The following DNASE1 variants were observed in gnomAD, a reference collection of about 807,000 sequenced individuals.
DNASE1 encodes deoxyribonuclease-1.
A neutral mutation model predicts 33.9 loss-of-function variants in DNASE1; 40 were observed. That is an observed-to-expected ratio of 1.18 (90% CI 0.92 to 1.54). The LOEUF (loss-of-function observed/expected upper bound fraction) is 1.54, where lower values mean the gene tolerates loss of function less well. DNASE1 is among the 40% of genes most tolerant of loss of function. The pLI is 0.00. For synonymous variants in DNASE1, 216 were observed against 160.0 expected, an observed-to-expected ratio of 1.35 and a Z score of -2.64; for missense variants, 518 against 372.6, an observed-to-expected ratio of 1.39 and a Z score of -3.21.
At chr16:3,651,069 C>T (rs537902144), upstream of DNASE1, 1 of 152,248 alleles carries the variant, frequency 6.6e-6, no homozygotes, top group Admixed American at 6.5e-5. Context: ...GCGTCCTTCC[C>T]GCTTTCCCTC....
chr16:3,662,889 T>G, downstream of DNASE1: 1 of 1,613,570 alleles, frequency 6.2e-7, no homozygotes, highest in Non-Finnish European at 8.5e-7. Flanking sequence ...CACCTTCACG[T>G]TGGTGACACG....
At chr16:3,663,635 G>A in exon 10 of DNASE1, 3 of 1,590,282 alleles carry the variant, frequency 1.9e-6, no homozygotes, top group Non-Finnish European at 2.6e-6. Context: ...GATGAGGGCG[G>A]CAGGAGGGCT....
At chr16:3,617,032 A>G (rs879383977) in intron 1 of DNASE1, among the ~76,000 whole-genome samples, 2 of 152,118 alleles carry the variant, frequency 1.3e-5, no homozygotes, top group African/African-American at 2.4e-5. Context: ...AGTGAAAACT[A>G]TAAAACTCTT....
At chr16:3,653,249 A>C (rs45564535), upstream of DNASE1, 8,115 of 152,272 alleles carry the variant, frequency 0.053, 241 homozygotes, top group Admixed American at 0.067. Context: ...AGCATCCCCC[A>C]ACCGCCCGGA....
chr16:3,655,064 C>T lies in DNASE1; in HGVS notation c.-2+20C>T, dbSNP rs866730078. The T allele has an allele frequency of 1.7e-6, 1 of 586,048 alleles. No homozygotes were observed. Among genetic ancestry groups the T allele is most frequent in the Middle Eastern group, 4.5e-4 (1 of 2,218 alleles). 36.3% of individuals were successfully genotyped at this position (586,048 alleles called of 1,614,324 possible). On this transcript the variant is annotated intron_variant, in intron 1 of 8. Coordinates refer to ENST00000246949, the MANE Select transcript of DNASE1 (RefSeq NM_005223.4). ...TCTCAGGTGAGCACCAGGTGGAGTG[C>T]CTCTGGGTGACTGGCCGGTTTGGAG...
At chr16:3,626,731 G>T (rs530476733) in intron 1 of DNASE1, among the ~76,000 whole-genome samples, 2 of 152,314 alleles carry the variant, frequency 1.3e-5, no homozygotes, top group South Asian at 4.1e-4. Flanking sequence ...AGCTCTGATA[G>T]TGGATTTGTC....
At chr16:3,659,396 C>CCAGAGGGATCAAAGATGA (rs2042932868), downstream of DNASE1, 1 of 152,108 alleles carries the variant, frequency 6.6e-6, no homozygotes, top group African/African-American at 2.4e-5. Flanking sequence ...AGAGTAAATT[C>CCAGAGGGATCAAAGATGA]CAGAGGGATC....
chr16:3,623,218 A>C (rs2041384951), intron 1 of DNASE1, among the ~76,000 whole-genome samples: 1 of 152,172 alleles, frequency 6.6e-6, no homozygotes, highest in South Asian at 2.1e-4. Flanking sequence ...TCTTCAATAA[A>C]GTTGACAAAT....
chr16:3,654,724 CAGAA>C lies in DNASE1; in HGVS notation c.-316_-313del, dbSNP rs60523329. The C allele has an allele frequency of 6.5e-3, 2,605 of 399,356 alleles. 18 individuals are homozygous for C. Among genetic ancestry groups the C allele is most frequent in the African/African-American group, 0.027 (1,301 of 48,750 alleles). 24.7% of individuals were successfully genotyped at this position (399,356 alleles called of 1,614,324 possible). On this transcript the variant is annotated 5_prime_UTR_variant, in exon 1 of 9. Transcript: ENST00000246949. ...TACAGCAGCAAGAAACCTGTGCTTA[CAGAA>C]AGAAACACGTGCTAGCAACCCACCT...
intron 1 of DNASE1, among the ~76,000 whole-genome samples, chr16:3,627,937 CAAAAA>C (rs55920324): frequency 8.7e-5 from 7 of 80,400 alleles, no homozygotes; most frequent in Non-Finnish European, 1.4e-4. Flanking sequence ...TCTATTTCTG[CAAAAA>C]AAAAAAAAAA....
chr16:3,652,119 G>A (rs1007243555), upstream of DNASE1: 1 of 152,444 alleles, frequency 6.6e-6, no homozygotes, highest in African/African-American at 2.4e-5. Flanking sequence ...CCAAGTTCCA[G>A]CCTTCCTTCT....
chr16:3,656,082 CT>C lies in DNASE1; in HGVS notation c.237-16del. 6.2e-7 allele frequency: 1 copy of C among 1,614,006 alleles called. No homozygotes were observed. The highest frequency in any genetic ancestry group is 8.5e-7 in the Non-Finnish European group (1 of 1,179,960). On this transcript the variant is annotated intron_variant, in intron 3 of 8. Coordinates refer to ENST00000246949, the MANE Select transcript of DNASE1 (RefSeq NM_005223.4). Reference sequence around the variant, plus strand: ...CCCCTATGGCCCCCGCCACTGGGACCTTTTGTTTCTTCAATCCAGGGATGCA... The same window carrying C: ...CCCCTATGGCCCCCGCCACTGGGACCTTTGTTTCTTCAATCCAGGGATGCA...
exon 10 of DNASE1, chr16:3,663,881 G>A (rs1477241285): frequency 8.1e-6 from 3 of 371,286 alleles, no homozygotes; most frequent in Admixed American, 4.2e-5. Context: ...AGACCAACAT[G>A]GTGAAATGCC....
chr16:3,625,078 G>A (rs1057295238), intron 1 of DNASE1, among the ~76,000 whole-genome samples: 3 of 152,050 alleles, frequency 2.0e-5, no homozygotes, highest in Non-Finnish European at 4.4e-5. Flanking sequence ...AGGCCTAGGC[G>A]GGCGGATCAC....
intron 1 of DNASE1, among the ~76,000 whole-genome samples, chr16:3,625,668 C>T (rs1263487285): frequency 6.6e-6 from 1 of 151,662 alleles, no homozygotes; most frequent in Non-Finnish European, 1.5e-5. Flanking sequence ...AATAAAGGTG[C>T]TAAAAAAGGC....
chr16:3,654,844 T>C lies in DNASE1; in HGVS notation c.-202T>C, dbSNP rs981088356. 3.2e-5 allele frequency: 13 copies of C among 405,362 alleles called. No homozygotes were observed. The highest frequency in any genetic ancestry group is 4.8e-5 in the Non-Finnish European group (11 of 230,690). The allele number at this position is 405,362 out of a possible 1,614,324, so 25.1% of individuals were successfully genotyped here. A position where few individuals can be genotyped will look rare whatever the true frequency, so the allele number is the denominator to read the frequency against. ...GGAAGGTCACAGCTGCCTGAACTTT[T>C]AAAACTCCCAGACACGCACTGCCTG... On this transcript the variant is annotated 5_prime_UTR_variant, in exon 1 of 9. It removes the in-frame stop codon of an upstream open reading frame in the 5' UTR. Transcript: ENST00000246949.
intron 1 of DNASE1, among the ~76,000 whole-genome samples, chr16:3,636,850 A>C (rs1208477014): frequency 3.3e-5 from 5 of 152,122 alleles, no homozygotes; most frequent in Admixed American, 1.3e-4. Context: ...CAGGCCAGGC[A>C]CAGTGGCTCA....
chr16:3,660,442 C>T (rs2043006825), downstream of DNASE1: 1 of 152,244 alleles, frequency 6.6e-6, no homozygotes, highest in Admixed American at 6.5e-5. Flanking sequence ...TGGTACACTC[C>T]AGCCTAGGTG....
intron 1 of DNASE1, among the ~76,000 whole-genome samples, chr16:3,629,787 T>C (rs941211383): frequency 3.9e-5 from 6 of 151,908 alleles, no homozygotes; most frequent in African/African-American, 1.5e-4. Context: ...TTTCTGTTTG[T>C]GATTTAGTCT....
Sources: allele counts gnomAD v4.1 joint callset (sites outside exome capture counted in the v4.1 genomes callset), GRCh38; gene constraint gnomAD v4.1.1; transcripts MANE v1.5; gene names NCBI Gene and HGNC (gene_info 2026-07-23, HGNC 2026-07-21).